PTPRT: variants seen among roughly 807,000 people sequenced by gnomAD.
PTPRT encodes protein tyrosine phosphatase receptor type T.
Under a neutral mutation model 176.8 loss-of-function variants are expected in PTPRT, and 56 were observed. That is an observed-to-expected ratio of 0.32 (90% CI 0.26 to 0.40). The LOEUF is 0.40. Ranked by LOEUF, PTPRT falls within the 10% of genes least tolerant of loss-of-function variation. The pLI is 1.00. For synonymous variants in PTPRT, 783 were observed against 739.0 expected (o/e 1.06, Z -0.96); for missense variants, 1,540 against 1,908.2 (o/e 0.81, Z 3.60).
At chr20:42,899,160 C>T (rs987093705) in intron 1 of PTPRT, among the ~76,000 whole-genome samples, 5 of 152,228 alleles carry the variant, frequency 3.3e-5, no homozygotes, top group Non-Finnish European at 7.3e-5. Flanking sequence ...ACTCAGATGC[C>T]AGAATAGCAT....
intron 9 of PTPRT, among the ~76,000 whole-genome samples, chr20:42,400,529 C>T (rs2145701674): frequency 6.6e-6 from 1 of 152,164 alleles, no homozygotes; most frequent in South Asian, 2.1e-4. Flanking sequence ...AACTATCTGT[C>T]TCTGAGTAGG....
In PTPRT at chr20:42,434,528, T is replaced by C. The variant is rs2059244232; in HGVS notation, c.1560+13692A>G. On this transcript the variant is annotated intron_variant, in intron 9 of 30. Transcript: ENST00000373187. Reference sequence around the variant, plus strand: ...AGAGATTATTATAAGACTTGGGACATAATCTTATGATTTTGGATGGTCCTA... The same window carrying C: ...AGAGATTATTATAAGACTTGGGACACAATCTTATGATTTTGGATGGTCCTA... 2.0e-5 allele frequency among the ~76,000 whole-genome samples: 3 copies of C among 152,200 alleles called. No homozygotes were observed. In the South Asian group the frequency reaches 6.2e-4, roughly 32 times the overall value.
At chr20:43,073,875 C>A (rs952992663) in intron 1 of PTPRT, among the ~76,000 whole-genome samples, 14 of 151,960 alleles carry the variant, frequency 9.2e-5, no homozygotes, top group African/African-American at 3.1e-4. Context: ...CCTCAGCCTC[C>A]CAGTAGCTAA....
rs796815472 is a variant in PTPRT at position 42,295,897 on chromosome 20, C to T, written c.2140-13372G>A. 3.3e-5 allele frequency among the ~76,000 whole-genome samples: 5 copies of T among 152,334 alleles called. 1 individual carries two copies. The highest frequency in any genetic ancestry group is 9.6e-5 in the African/African-American group (4 of 41,582). ...GGGGCTCTAGTTCCTTTGCTTCGCA[C>T]GTCTCTCTTCTGCCACCTTGTGAAG... is the stretch of plus-strand genomic sequence containing the variant. On this transcript the variant is annotated intron_variant, in intron 12 of 30. Transcript: ENST00000373187.
In PTPRT at chr20:42,866,009, A is replaced by C. The variant is rs191274423; in HGVS notation, c.214+19798T>G. Among the ~76,000 whole-genome samples, 45 of 152,174 alleles carry C rather than the reference A, an allele frequency of 3.0e-4. No homozygotes were observed. In the East Asian group the frequency reaches 7.4e-3, roughly 25 times the overall value. On this transcript the variant is annotated intron_variant, in intron 2 of 30. Transcript: ENST00000373187. ...GCCTTGACCCCTTTCCTAGCTTCCC[A>C]AACACCCAGTGGTTCTCAAGATCAA...
chr20:42,156,256 G>A lies in PTPRT; in HGVS notation c.2682+5096C>T, dbSNP rs147778370. 4.3e-3 allele frequency among the ~76,000 whole-genome samples: 659 copies of A among 152,278 alleles called. 3 individuals carry two copies. Among genetic ancestry groups the A allele is most frequent in the Non-Finnish European group, 6.7e-3 (458 of 68,030 alleles). On this transcript the variant is annotated intron_variant, in intron 17 of 30. Transcript: ENST00000373187. ...CTCATAGCTCTGGATATACCTCTAT[G>A]GTGGCATTTTTTGGCTCTCAGAATA...
At chr20:42,482,440 A>G (rs188901032) in intron 7 of PTPRT, among the ~76,000 whole-genome samples, 12 of 152,344 alleles carry the variant, frequency 7.9e-5, no homozygotes, top group Admixed American at 7.8e-4. Flanking sequence ...ATTCTTTGCC[A>G]AAAGTAAAGC....
Position 42,115,157 on chromosome 20 carries a change from T to G in PTPRT, c.3099+42A>C, listed in dbSNP as rs769051670. On this transcript the variant is annotated intron_variant, in intron 22 of 30. Coordinates refer to ENST00000373187, the MANE Select transcript of PTPRT (RefSeq NM_007050.6). ...GTTCTGGATGAACAAACAAGCTGGC[T>G]CTCATGGTGGACCGGCTGCCCACAG... 3.5e-6 allele frequency: 5 copies of G among 1,429,522 alleles called. No individual in the cohort carries two copies. In the Admixed American group the frequency reaches 8.4e-5, roughly 24 times the overall value. 88.6% of individuals were successfully genotyped at this position (1,429,522 alleles called of 1,614,324 possible).
At chr20:42,476,563 G>A (rs2071293280) in intron 7 of PTPRT, among the ~76,000 whole-genome samples, 1 of 152,152 alleles carries the variant, frequency 6.6e-6, no homozygotes, top group Admixed American at 6.5e-5. Flanking sequence ...TGAAATCTTG[G>A]GAGATGATTT....
At chr20:42,588,519 G>A (rs2073512146) in intron 7 of PTPRT, among the ~76,000 whole-genome samples, 1 of 151,888 alleles carries the variant, frequency 6.6e-6, no homozygotes, top group African/African-American at 2.4e-5. Flanking sequence ...CTGCTATAAG[G>A]AACACACCAT....
intron 23 of PTPRT, among the ~76,000 whole-genome samples, chr20:42,109,508 C>T (rs1986825134): frequency 6.6e-6 from 1 of 152,188 alleles, no homozygotes; most frequent in South Asian, 2.1e-4. Flanking sequence ...TAAGGTAAAA[C>T]CTGGTGCTGT....
chr20:42,917,734 C>T (rs1390370574), intron 1 of PTPRT, among the ~76,000 whole-genome samples: 1 of 152,120 alleles, frequency 6.6e-6, no homozygotes, highest in Non-Finnish European at 1.5e-5. Context: ...CTACTGCCCC[C>T]ATTTTACTGA....
intron 1 of PTPRT, among the ~76,000 whole-genome samples, chr20:43,013,206 G>A (rs917853612): frequency 2.0e-5 from 3 of 151,590 alleles, no homozygotes; most frequent in Non-Finnish European, 4.4e-5. Context: ...TTTTGGAAGT[G>A]AGTTCATCTC....
chr20:42,330,736 G>A (rs2157375), intron 11 of PTPRT, among the ~76,000 whole-genome samples: 119,542 of 151,944 alleles, frequency 0.79, 47,375 homozygotes, highest in African/African-American at 0.86. Flanking sequence ...CTTGTTTTTT[G>A]TTATTGTTAT....
chr20:42,401,056 A>C (rs2058901470), intron 9 of PTPRT, among the ~76,000 whole-genome samples: 1 of 152,096 alleles, frequency 6.6e-6, no homozygotes. Flanking sequence ...ACAGGAACAC[A>C]GGAGCAGGGA....
At chr20:42,207,767 G>T (rs1209355682) in intron 15 of PTPRT, among the ~76,000 whole-genome samples, 9 of 40,010 alleles carry the variant, frequency 2.2e-4, no homozygotes, top group East Asian at 6.1e-4. Context: ...GCAGGCCAAC[G>T]TTCAGATTCA....
At chr20:43,104,491 T>G (rs1437500514) in intron 1 of PTPRT, among the ~76,000 whole-genome samples, 3 of 152,186 alleles carry the variant, frequency 2.0e-5, no homozygotes, top group Non-Finnish European at 4.4e-5. Context: ...AGGCAAGCTA[T>G]TTAACCCCCC....
intron 2 of PTPRT, among the ~76,000 whole-genome samples, chr20:42,854,796 G>T (rs2078533324): frequency 6.6e-6 from 1 of 152,106 alleles, no homozygotes; most frequent in Admixed American, 6.5e-5. Flanking sequence ...GCTGGGCAAG[G>T]GATTGCCTTC....
chr20:42,230,042 G>C (rs1258276251), intron 15 of PTPRT, among the ~76,000 whole-genome samples: 2 of 152,108 alleles, frequency 1.3e-5, no homozygotes, highest in Non-Finnish European at 2.9e-5. Context: ...ATTTGCTCCT[G>C]CCCATAACAT....
Sources: gnomAD v4.1 joint callset for allele counts (sites outside exome capture counted in the v4.1 genomes callset) on GRCh38, gnomAD v4.1.1 for gene constraint, MANE v1.5 for transcripts, NCBI Gene and HGNC (gene_info 2026-07-23, HGNC 2026-07-21) for gene names.